DENND4A: variants seen among roughly 807,000 people sequenced by gnomAD.
The protein encoded by DENND4A is DENN domain containing 4A, also known as C-myc promoter-binding protein.
A neutral mutation model predicts 199.3 loss-of-function variants in DENND4A; 70 were observed. That is an observed-to-expected ratio of 0.35 (90% CI 0.29 to 0.43). The LOEUF is 0.43. Among genes scored for constraint, DENND4A ranks in the 20% least tolerant of loss-of-function variants. The probability of loss-of-function intolerance (pLI) is 1.00; values close to 1 mark genes in which losing one functional copy is unlikely to be tolerated. For missense variants in DENND4A, 1,723 were observed against 2,255.8 expected, an observed-to-expected ratio of 0.76 and a Z score of 4.78; for synonymous variants, 686 against 766.9, an observed-to-expected ratio of 0.89 and a Z score of 1.74.
At chr15:65,667,889 C>A in intron 28 of DENND4A, 36 bp downstream of exon 28, 1 of 1,577,920 alleles carries the variant, frequency 6.3e-7, no homozygotes, top group South Asian at 1.2e-5. Flanking sequence ...CGTAAGTGAT[C>A]AATTTCCAAA....
intron 11 of DENND4A, among the ~76,000 whole-genome samples, chr15:65,723,258 C>A (rs1239003149): frequency 6.6e-6 from 1 of 152,064 alleles, no homozygotes; most frequent in African/African-American, 2.4e-5. Flanking sequence ...GATCTTTACT[C>A]TTAATCTCCA....
chr15:65,764,630 CA>C (rs984643644), intron 1 of DENND4A, among the ~76,000 whole-genome samples: 39 of 150,578 alleles, frequency 2.6e-4, no homozygotes, highest in African/African-American at 9.3e-4. Flanking sequence ...GACTCTGTCT[CA>C]AAAAAACCCA....
At chr15:65,752,804 A>G (rs2140629068) in intron 3 of DENND4A, among the ~76,000 whole-genome samples, 176 bp from the exon 4 acceptor site, 1 of 152,300 alleles carries the variant, frequency 6.6e-6, no homozygotes, top group East Asian at 1.9e-4. Flanking sequence ...TTTCCCCACC[A>G]AAAACTTTGT....
chr15:65,769,198 T>C (rs1029988019), intron 1 of DENND4A, among the ~76,000 whole-genome samples: 20 of 146,380 alleles, frequency 1.4e-4, no homozygotes, highest in African/African-American at 2.5e-4. Context: ...ATATAAGGTA[T>C]ACACACACAC....
In DENND4A at chr15:65,729,170, T is replaced by C; in HGVS notation, c.1389A>G (p.Pro463=). 1 of 1,590,018 alleles carries C rather than the reference T, an allele frequency of 6.3e-7. No homozygotes were observed. The highest frequency in any genetic ancestry group is 8.6e-7 in the Non-Finnish European group (1 of 1,167,136). ...PLALADVLSA[P]CPFIVGIDSR... The stretch of plus-strand genomic sequence containing the variant: ...AATCAATCCCTACTATGAATGGACA[T>C]GGTGCACTCAAGACATCTGCTAAAG... Residue 463 remains proline, a synonymous_variant, in exon 11 of 33, where the codon CCA becomes CCG. Coordinates refer to ENST00000443035, the MANE Select transcript of DENND4A (RefSeq NM_001320835.1).
Position 65,738,797 on chromosome 15 carries a change from A to G in DENND4A, c.710T>C (p.Met237Thr). 6.2e-7 allele frequency: 1 copy of G among 1,612,202 alleles called. No homozygotes were observed. The highest frequency in any genetic ancestry group is 8.5e-7 in the Non-Finnish European group (1 of 1,179,036). ...TGGCCAACATTCAATGGTTGCACCC[A>G]TTGGTAAACAAAATAGAGGAACAGA... is the stretch of plus-strand genomic sequence containing the variant. ...PESVPLFCLP[M>T]GATIECWPSN... The change falls in exon 6 of 33, where the codon ATG (methionine) becomes ACG (threonine). Residue 237 changes from methionine (M) to threonine (T), a missense_variant. Physicochemically the swap from Met to Thr is moderately conservative, Grantham distance 81. Coordinates refer to ENST00000443035, the MANE Select transcript of DENND4A (RefSeq NM_001320835.1).
At chr15:65,719,228 A>G (rs1418971405) in intron 12 of DENND4A, 1 of 152,504 alleles carries the variant, frequency 6.6e-6, no homozygotes, top group Non-Finnish European at 1.5e-5. Flanking sequence ...TTTGTCTTAC[A>G]TATTGAAAAC....
Position 65,706,714 on chromosome 15 carries a change from T to G in DENND4A, c.1954-490A>C, listed in dbSNP as rs112559057. ...TTTCACCATGTTGGCCAGGACGGTC[T>G]CGATCTCTTGACCTTGTGATCTGCC... On this transcript the variant is annotated intron_variant, in intron 14 of 32. Coordinates refer to ENST00000443035, the MANE Select transcript of DENND4A (RefSeq NM_001320835.1). 7.3e-3 allele frequency among the ~76,000 whole-genome samples: 1,116 copies of G among 152,258 alleles called. 15 individuals are homozygous for G. The highest frequency in any genetic ancestry group is 0.026 in the African/African-American group (1,076 of 41,560).
In DENND4A at chr15:65,764,972, C is replaced by CAA. The variant is rs35902836; in HGVS notation, c.-101-3536_-101-3535dup. Among the ~76,000 whole-genome samples, 67 of 95,842 alleles carry CAA rather than the reference C, an allele frequency of 7.0e-4. 1 individual carries two copies. Among genetic ancestry groups the CAA allele is most frequent in the African/African-American group, 2.6e-3 (66 of 25,834 alleles). The allele number at this position is 95,842 out of a possible 152,430, so 62.9% of individuals were successfully genotyped here. On this transcript the variant is annotated intron_variant, in intron 1 of 32. Coordinates refer to ENST00000443035, the MANE Select transcript of DENND4A (RefSeq NM_001320835.1). ...GGGTGACAGAGCGAGACCCTGTCTC[C>CAA]AAAAAAAAAAAAAAAAAAAGTAACA...
intron 23 of DENND4A, 133 bp downstream of exon 23, chr15:65,690,282 C>G (rs2076926508): frequency 6.6e-6 from 6 of 902,590 alleles, no homozygotes; most frequent in Middle Eastern, 3.1e-4. Flanking sequence ...CTGATACTTA[C>G]AAAACTTACA....
intron 3 of DENND4A, among the ~76,000 whole-genome samples, chr15:65,755,553 G>A (rs566641784): frequency 6.6e-6 from 1 of 152,180 alleles, no homozygotes; most frequent in Non-Finnish European, 1.5e-5. Flanking sequence ...ATCACTTGAG[G>A]CCAGGAGTTT....
chr15:65,744,768 T>C (rs773588043), intron 4 of DENND4A, among the ~76,000 whole-genome samples: 4 of 152,190 alleles, frequency 2.6e-5, no homozygotes, highest in Non-Finnish European at 5.9e-5. Context: ...TACAGAAGCC[T>C]TTTTGTTGGC....
At chr15:65,684,465 CTAAT>C (rs901263011) in intron 23 of DENND4A, among the ~76,000 whole-genome samples, 1 of 152,296 alleles carries the variant, frequency 6.6e-6, no homozygotes, top group East Asian at 1.9e-4. Context: ...TGCCTAATAA[CTAAT>C]TATGTTGAAC....
chr15:65,718,760 CTTTTTTTTTTTTTTTTTT>C (rs1038227560), intron 12 of DENND4A, among the ~76,000 whole-genome samples: 3 of 67,738 alleles, frequency 4.4e-5, no homozygotes, highest in South Asian at 6.1e-4. Flanking sequence ...GTTTTTTTTC[CTTTTTTTTTTTTTTTTTT>C]TTTTTTTTTT....
chr15:65,673,740 C>G (rs1046945208), intron 24 of DENND4A, among the ~76,000 whole-genome samples: 16 of 152,128 alleles, frequency 1.1e-4, no homozygotes, highest in African/African-American at 3.6e-4. Context: ...CTTTAAGATG[C>G]TTAGCACTGG....
intron 1 of DENND4A, among the ~76,000 whole-genome samples, chr15:65,765,419 A>G (rs1421573200): frequency 2.0e-5 from 3 of 152,210 alleles, no homozygotes; most frequent in Non-Finnish European, 4.4e-5. Flanking sequence ...TGTTATTTTT[A>G]ATTGAAACTT....
chr15:65,686,516 A>G (rs1360061447), intron 23 of DENND4A, among the ~76,000 whole-genome samples: 1 of 152,176 alleles, frequency 6.6e-6, no homozygotes, highest in Non-Finnish European at 1.5e-5. Context: ...TCTGTGATTT[A>G]GTGAATATAC....
Position 65,676,614 on chromosome 15 carries a change from G to A in DENND4A, c.4200C>T (p.Thr1400=). 3 of 1,611,958 alleles carry A rather than the reference G, an allele frequency of 1.9e-6. No homozygotes were observed. The highest frequency in any genetic ancestry group is 2.5e-6 in the Non-Finnish European group (3 of 1,179,008). ...TSSKDQSSDR[T]SLSSVGAQDS... is the part of the protein sequence containing the mutation. ...CCTGGGCTCCCACTGAAGAAAGACTGGTACGATCAGAACTTTGATCCTAAG... is the reference window on the plus strand; with the variant it reads ...CCTGGGCTCCCACTGAAGAAAGACTAGTACGATCAGAACTTTGATCCTAAG... Residue 1400 remains threonine, a synonymous_variant, in exon 24 of 33, where the codon ACC becomes ACT. Transcript: ENST00000443035.
chr15:65,785,655 T>A (rs2077548725), intron 1 of DENND4A, among the ~76,000 whole-genome samples: 1 of 152,104 alleles, frequency 6.6e-6, no homozygotes, highest in Non-Finnish European at 1.5e-5. Context: ...TTGCTTCAGA[T>A]ATATATTTAA....
Sources: gnomAD v4.1 joint callset for allele counts (sites outside exome capture counted in the v4.1 genomes callset) on GRCh38, gnomAD v4.1.1 for gene constraint, MANE v1.5 for transcripts, NCBI Gene and HGNC (gene_info 2026-07-23, HGNC 2026-07-21) for gene names.